The following KHDRBS2 variants were observed in gnomAD, a reference collection of about 807,000 sequenced individuals.
The protein encoded by KHDRBS2 is KH RNA binding domain containing, signal transduction associated 2.
In KHDRBS2, 26 loss-of-function variants were observed where a neutral mutation model predicts 44.3. The observed-to-expected ratio is 0.59, with a 90% CI of 0.43 to 0.81. The LOEUF (loss-of-function observed/expected upper bound fraction) is 0.81. Among genes scored for constraint, KHDRBS2 ranks in the 40% least tolerant of loss-of-function variants. KHDRBS2 has a pLI of 0.00. For missense variants in KHDRBS2, 476 were observed against 433.1 expected (o/e 1.10, Z -0.88); for synonymous variants, 194 against 151.1 (o/e 1.28, Z -2.08).
intron 6 of KHDRBS2, among the ~76,000 whole-genome samples, chr6:61,789,562 C>A (rs1784321731): frequency 6.6e-6 from 1 of 151,476 alleles, no homozygotes; most frequent in African/African-American, 2.4e-5. Flanking sequence ...CTCAACAAAA[C>A]TCCACCAAAT....
chr6:61,824,243 C>T (rs1790478570), intron 6 of KHDRBS2, among the ~76,000 whole-genome samples: 1 of 152,028 alleles, frequency 6.6e-6, no homozygotes, highest in African/African-American at 2.4e-5. Flanking sequence ...TGTTGGAGGG[C>T]CTGGTGGGAG....
chr6:62,210,334 T>C lies in KHDRBS2; in HGVS notation c.92-33022A>G, dbSNP rs575514283. Among the ~76,000 whole-genome samples, 374 of 151,090 alleles carry C rather than the reference T, an allele frequency of 2.5e-3. 3 individuals carry two copies. Among genetic ancestry groups the C allele is most frequent in the African/African-American group, 8.4e-3 (344 of 41,176 alleles). On this transcript the variant is annotated intron_variant, in intron 1 of 8. Coordinates refer to ENST00000281156, the MANE Select transcript of KHDRBS2 (RefSeq NM_152688.4). Reference sequence around the variant, plus strand: ...GCACATTATTCTAGCATTCTTTTTTTTTTTTTTTTTTTCAAGACGAAGTCT... The same window carrying C: ...GCACATTATTCTAGCATTCTTTTTTCTTTTTTTTTTTTCAAGACGAAGTCT...
intron 6 of KHDRBS2, among the ~76,000 whole-genome samples, chr6:61,848,349 G>A (rs1373101318): frequency 1.3e-5 from 2 of 148,444 alleles, no homozygotes; most frequent in Non-Finnish European, 3.0e-5. Flanking sequence ...AAGTGCTTAT[G>A]TAAGTGAACA....
chr6:61,777,579 G>A (rs1253064329), intron 6 of KHDRBS2, among the ~76,000 whole-genome samples: 1 of 152,088 alleles, frequency 6.6e-6, no homozygotes, highest in Non-Finnish European at 1.5e-5. Context: ...GTACAGAGTA[G>A]AATTTTCAAG....
At chr6:61,573,279 A>G in the KHDRBS2 span, among the ~76,000 whole-genome samples, 1 of 152,212 alleles carries the variant, frequency 6.6e-6, no homozygotes, top group Non-Finnish European at 1.5e-5. Flanking sequence ...AAAGATCTCT[A>G]CAAGGAAAAC....
In KHDRBS2 at chr6:62,141,585, A is replaced by G. The variant is rs529730221; in HGVS notation, c.219+35600T>C. 2.6e-5 allele frequency among the ~76,000 whole-genome samples: 4 copies of G among 152,238 alleles called. No homozygotes were observed. In the South Asian group the frequency reaches 8.3e-4, roughly 32 times the overall value. On this transcript the variant is annotated intron_variant, in intron 2 of 8. Coordinates refer to ENST00000281156, the MANE Select transcript of KHDRBS2 (RefSeq NM_152688.4). The stretch of plus-strand genomic sequence containing the variant: ...GAAGGAAATCTTTTCCCTGTGCCTA[A>G]TGAATAAGATGCTGCATTTTTAGTT...
At chr6:62,184,891 TTTAAAA>T (rs1377354443) in intron 1 of KHDRBS2, among the ~76,000 whole-genome samples, 1 of 151,914 alleles carries the variant, frequency 6.6e-6, no homozygotes, top group Admixed American at 6.6e-5. Flanking sequence ...TAAATGCCAC[TTTAAAA>T]TTATTATGCT....
At chr6:62,018,257 A>T (rs1048338046) in intron 3 of KHDRBS2, among the ~76,000 whole-genome samples, 2 of 151,100 alleles carry the variant, frequency 1.3e-5, no homozygotes, top group African/African-American at 4.9e-5. Context: ...ATAAATAGGT[A>T]TTTATACTAT....
chr6:62,207,415 CT>C (rs1421795159), intron 1 of KHDRBS2, among the ~76,000 whole-genome samples: 1 of 152,074 alleles, frequency 6.6e-6, no homozygotes, highest in Non-Finnish European at 1.5e-5. Context: ...CCAGTTTAAG[CT>C]TATAAACTGT....
the KHDRBS2 span, among the ~76,000 whole-genome samples, chr6:61,558,517 A>T: frequency 6.6e-6 from 1 of 152,178 alleles, no homozygotes; most frequent in Non-Finnish European, 1.5e-5. Flanking sequence ...AGCCACGATT[A>T]TACCATTGCA....
chr6:61,939,766 G>T (rs1344731142), intron 4 of KHDRBS2, among the ~76,000 whole-genome samples: 1 of 152,150 alleles, frequency 6.6e-6, no homozygotes, highest in Non-Finnish European at 1.5e-5. Context: ...ACTCTGGAAA[G>T]AAACCAAAGT....
At chr6:62,169,926 C>T (rs998765097) in intron 2 of KHDRBS2, among the ~76,000 whole-genome samples, 2 of 151,692 alleles carry the variant, frequency 1.3e-5, no homozygotes, top group Non-Finnish European at 2.9e-5. Context: ...TTGAGGCCAG[C>T]TTCTGTCCCA....
chr6:62,229,037 G>A (rs1245322566), intron 1 of KHDRBS2, among the ~76,000 whole-genome samples: 3 of 152,186 alleles, frequency 2.0e-5, no homozygotes, highest in Non-Finnish European at 4.4e-5. Flanking sequence ...CCTTGGTGGA[G>A]GGGTGTGCTT....
intron 2 of KHDRBS2, among the ~76,000 whole-genome samples, chr6:62,059,682 C>A (rs1308842225): frequency 6.6e-6 from 1 of 151,542 alleles, no homozygotes; most frequent in Non-Finnish European, 1.5e-5. Context: ...ACCTAGCAAT[C>A]ATGTATGGGT....
chr6:61,935,152 G>A (rs1810798077), intron 4 of KHDRBS2, among the ~76,000 whole-genome samples: 1 of 152,162 alleles, frequency 6.6e-6, no homozygotes, highest in African/African-American at 2.4e-5. Context: ...AGATTCTTGA[G>A]GGTTGGAATT....
chr6:61,938,664 G>A (rs1811503668), intron 4 of KHDRBS2, among the ~76,000 whole-genome samples: 1 of 152,170 alleles, frequency 6.6e-6, no homozygotes, highest in Admixed American at 6.5e-5. Flanking sequence ...CAGACTAGTA[G>A]ATTGCTAAGG....
intron 3 of KHDRBS2, among the ~76,000 whole-genome samples, chr6:62,034,112 C>A (rs549342949): frequency 6.6e-6 from 1 of 151,768 alleles, no homozygotes; most frequent in African/African-American, 2.4e-5. Flanking sequence ...CAACAATGAA[C>A]CAGGAAGAAA....
chr6:62,062,962 A>G (rs1238391857), intron 2 of KHDRBS2, among the ~76,000 whole-genome samples: 2 of 151,238 alleles, frequency 1.3e-5, no homozygotes, highest in African/African-American at 2.4e-5. Context: ...CACCGATCCC[A>G]CAGAAATACA....
chr6:61,550,766 C>CTTTTTT, the KHDRBS2 span, among the ~76,000 whole-genome samples: 15,438 of 116,522 alleles, frequency 0.13, 1,485 homozygotes, highest in East Asian at 0.2. Flanking sequence ...GAGATGGTAT[C>CTTTTTT]TTTTTTTTTT....
Sources: gnomAD v4.1 joint callset for allele counts (sites outside exome capture counted in the v4.1 genomes callset) on GRCh38, gnomAD v4.1.1 for gene constraint, MANE v1.5 for transcripts, NCBI Gene and HGNC (gene_info 2026-07-23, HGNC 2026-07-21) for gene names.